The following ITPR2 variants were observed in gnomAD, a reference collection of about 807,000 sequenced individuals.
The protein encoded by ITPR2 is inositol 1,4,5-trisphosphate-gated calcium channel ITPR2.
In ITPR2, 207 loss-of-function variants were observed where a neutral mutation model predicts 317.1. The ratio of observed to expected loss-of-function variants is 0.65; its 90% confidence interval spans 0.58 to 0.73. The LOEUF (loss-of-function observed/expected upper bound fraction) is 0.73. ITPR2 is among the 30% of genes least tolerant of loss of function. The pLI, the probability that ITPR2 is intolerant of heterozygous loss-of-function variation, is 0.00. For synonymous variants in ITPR2, 1,156 were observed against 1,149.1 expected (o/e 1.01, Z -0.12); for missense variants, 2,613 against 3,284.0 (o/e 0.80, Z 4.99).
intron 36 of ITPR2, among the ~76,000 whole-genome samples, chr12:26,552,235 C>T (rs11611248): frequency 0.15 from 23,059 of 152,066 alleles, 2,400 homozygotes; most frequent in Non-Finnish European, 0.23. Context: ...GTCACCCAGG[C>T]TGGAGTGCGG....
In ITPR2 at chr12:26,628,070, T is replaced by A. The variant is rs368684632; in HGVS notation, c.3027A>T (p.Thr1009=). The A allele has an allele frequency of 9.3e-6, 15 of 1,613,302 alleles. No homozygotes were observed. In the African/African-American group the frequency reaches 1.9e-4, roughly 20 times the overall value. The stretch of plus-strand genomic sequence containing the variant: ...AAGTGTCTGGAGATCCACTGGCAGA[T>A]GTCTCCGCATTGTCATTGTCCTCTC... ...EFGEDNDNAE[T]SASGSPDTLL... The change falls in exon 23 of 57, where the codon ACA becomes ACT. Residue 1009 remains threonine (T), a synonymous_variant. Coordinates refer to ENST00000381340, the MANE Select transcript of ITPR2 (RefSeq NM_002223.4).
At chr12:26,478,269 AT>A (rs1401679206) in intron 43 of ITPR2, among the ~76,000 whole-genome samples, 3 of 152,142 alleles carry the variant, frequency 2.0e-5, no homozygotes, top group African/African-American at 7.2e-5. Context: ...AGACGTCAGT[AT>A]TTTGGAGGAA....
At chr12:26,344,299 T>C (rs1938233384) in intron 55 of ITPR2, among the ~76,000 whole-genome samples, 1 of 152,134 alleles carries the variant, frequency 6.6e-6, no homozygotes, top group South Asian at 2.1e-4. Context: ...AGAGATTTTT[T>C]CAACATATAA....
At chr12:26,387,816 G>T (rs1329870917) in intron 54 of ITPR2, among the ~76,000 whole-genome samples, 3 of 152,086 alleles carry the variant, frequency 2.0e-5, no homozygotes, top group Non-Finnish European at 4.4e-5. Flanking sequence ...TTTCCCCATG[G>T]ATCCTTGGAA....
intron 50 of ITPR2, among the ~76,000 whole-genome samples, chr12:26,416,431 T>C (rs1940722786): frequency 6.6e-6 from 1 of 152,182 alleles, no homozygotes. Flanking sequence ...TTGGAATAAT[T>C]GAGGTTTGTC....
chr12:26,782,662 T>TC (rs201521783), intron 2 of ITPR2, among the ~76,000 whole-genome samples: 1 of 125,196 alleles, frequency 8.0e-6, no homozygotes, highest in Non-Finnish European at 2.0e-5. Context: ...TTGCATAACT[T>TC]CTTATACTTA....
intron 29 of ITPR2, 55 bp downstream of exon 29, chr12:26,599,932 A>G (rs1945953530): frequency 1.4e-6 from 2 of 1,388,198 alleles, no homozygotes; most frequent in Non-Finnish European, 2.0e-6. Context: ...AATGTTACTG[A>G]GACAAATTTG....
intron 32 of ITPR2, among the ~76,000 whole-genome samples, chr12:26,594,124 A>C (rs985338436): frequency 4.6e-5 from 7 of 152,190 alleles, no homozygotes; most frequent in African/African-American, 1.7e-4. Flanking sequence ...TATGAGTACT[A>C]TGTTAAATGC....
At chr12:26,556,458 T>C in intron 35 of ITPR2, 83 bp from the exon 36 acceptor site, 1 of 1,337,286 alleles carries the variant, frequency 7.5e-7, no homozygotes. Flanking sequence ...TCAAGAATAC[T>C]AATGGGAATT....
chr12:26,415,812 T>C (rs191668715), intron 50 of ITPR2, among the ~76,000 whole-genome samples: 5 of 152,332 alleles, frequency 3.3e-5, no homozygotes, highest in Admixed American at 2.0e-4. Context: ...AAAAGTTACA[T>C]TGTACTTTAC....
intron 1 of ITPR2, among the ~76,000 whole-genome samples, chr12:26,802,643 AT>A (rs945030185): frequency 2.7e-5 from 4 of 150,056 alleles, no homozygotes; most frequent in African/African-American, 9.7e-5. Context: ...ATACAGATAG[AT>A]ATAGATAGAT....
chr12:26,493,079 C>T (rs1007755923), intron 39 of ITPR2, among the ~76,000 whole-genome samples: 2 of 152,092 alleles, frequency 1.3e-5, no homozygotes, highest in African/African-American at 2.4e-5. Context: ...CAATTTCCTC[C>T]ATCACCTCCT....
chr12:26,702,507 C>T (rs187195392), intron 9 of ITPR2, among the ~76,000 whole-genome samples: 4,055 of 150,458 alleles, frequency 0.027, 55 homozygotes, highest in Middle Eastern at 0.072. Flanking sequence ...GGTGCGATCT[C>T]GGCTCACTGC....
rs554834684 is a variant in ITPR2 at position 26,605,573 on chromosome 12, C to T, written c.3463-2867G>A. Reference sequence around the variant, plus strand: ...TTAAAAAGGCAGGTGAAGCTTTGGTCGATATCTTTAAGCCTGTTTTTCAAG... The same window carrying T: ...TTAAAAAGGCAGGTGAAGCTTTGGTTGATATCTTTAAGCCTGTTTTTCAAG... On this transcript the variant is annotated intron_variant, in intron 26 of 56. Transcript: ENST00000381340. Among the ~76,000 whole-genome samples the T allele has an allele frequency of 1.9e-4, 29 of 152,104 alleles. No individual in the cohort carries two copies. In the East Asian group the frequency reaches 1.9e-3, roughly 10 times the overall value.
intron 1 of ITPR2, among the ~76,000 whole-genome samples, chr12:26,813,424 CTG>C (rs1185718461): frequency 6.6e-6 from 1 of 152,154 alleles, no homozygotes; most frequent in Non-Finnish European, 1.5e-5. Flanking sequence ...CACAAATTTA[CTG>C]TGAGAAATAT....
intron 49 of ITPR2, among the ~76,000 whole-genome samples, chr12:26,425,501 C>T (rs1315339429): frequency 7.3e-5 from 11 of 151,588 alleles, no homozygotes; most frequent in Non-Finnish European, 1.6e-4. Context: ...ACCTCATCTC[C>T]ACTAAAAATA....
At chr12:26,458,550 T>C (rs569291784) in intron 45 of ITPR2, among the ~76,000 whole-genome samples, 2 of 152,308 alleles carry the variant, frequency 1.3e-5, no homozygotes, top group South Asian at 4.1e-4. Context: ...CTCCCTTACT[T>C]TGTGTCAATG....
In ITPR2 at chr12:26,414,684, A is replaced by C. The variant is rs11048503; in HGVS notation, c.7306+619T>G. Among the ~76,000 whole-genome samples, 2,073 of 152,282 alleles carry C rather than the reference A, an allele frequency of 0.014. 111 individuals are homozygous for C. In the East Asian group the frequency reaches 0.17, roughly 12 times the overall value. ...TGGAGAGAATAAAGCCTAACACCAC[A>C]GGAATCACACTGATTATAAATGGAC... On this transcript the variant is annotated intron_variant, in intron 51 of 56. Transcript: ENST00000381340.
At chr12:26,568,009 T>TATATA (rs1555157797) in intron 34 of ITPR2, among the ~76,000 whole-genome samples, 27 of 5,488 alleles carry the variant, frequency 4.9e-3, no homozygotes, top group African/African-American at 9.3e-3. Flanking sequence ...ATATATATTA[T>TATATA]ATATATATAT....
Sources: allele counts gnomAD v4.1 joint callset (sites outside exome capture counted in the v4.1 genomes callset), GRCh38; gene constraint gnomAD v4.1.1; transcripts MANE v1.5; gene names NCBI Gene and HGNC (gene_info 2026-07-23, HGNC 2026-07-21).